The following KCNK9 variants were observed in gnomAD, a reference collection of about 807,000 sequenced individuals.
The protein encoded by KCNK9 is potassium channel subfamily K member 9.
A neutral mutation model predicts 10.8 loss-of-function variants in KCNK9; 1 was observed. The observed-to-expected ratio is 0.09, with a 90% CI of 0.03 to 0.44. KCNK9 has a LOEUF of 0.44. Among genes scored for constraint, KCNK9 ranks in the 20% least tolerant of loss-of-function variants. KCNK9 has a pLI of 0.97. For synonymous variants in KCNK9, 231 were observed against 222.7 expected (o/e 1.04, Z -0.33); for missense variants, 303 against 515.0 (o/e 0.59, Z 3.98).
chr8:139,622,741 A>G (rs1009855845), intron 1 of KCNK9, among the ~76,000 whole-genome samples: 2 of 152,212 alleles, frequency 1.3e-5, no homozygotes, highest in Admixed American at 1.3e-4. Flanking sequence ...CTGCTTAACA[A>G]ATGTGCTTAT....
At chr8:139,657,205 A>C (rs1000811774) in intron 1 of KCNK9, among the ~76,000 whole-genome samples, 2 of 152,182 alleles carry the variant, frequency 1.3e-5, no homozygotes, top group African/African-American at 4.8e-5. Context: ...GATTGCACTC[A>C]AGCATTCTGG....
intron 1 of KCNK9, among the ~76,000 whole-genome samples, chr8:139,667,755 C>T (rs1816334721): frequency 6.6e-6 from 1 of 152,124 alleles, no homozygotes; most frequent in African/African-American, 2.4e-5. Flanking sequence ...ATAACCTACA[C>T]CTCCAACATA....
chr8:139,630,964 G>A (rs1031824071), intron 1 of KCNK9, among the ~76,000 whole-genome samples: 5 of 152,234 alleles, frequency 3.3e-5, no homozygotes, highest in Non-Finnish European at 7.3e-5. Context: ...TGGTCCGCTA[G>A]GACGGAGAGC....
chr8:139,669,803 C>T (rs1816385241), intron 1 of KCNK9, among the ~76,000 whole-genome samples: 1 of 151,418 alleles, frequency 6.6e-6, no homozygotes, highest in African/African-American at 2.4e-5. Context: ...TTGCCGAGAT[C>T]CATCACAGAA....
chr8:139,675,109 T>A (rs1013125877), intron 1 of KCNK9, among the ~76,000 whole-genome samples: 1 of 152,216 alleles, frequency 6.6e-6, no homozygotes, highest in Admixed American at 6.5e-5. Context: ...GCCTCGGTTA[T>A]CCACCAACCC....
At chr8:139,672,335 G>A (rs571524256) in intron 1 of KCNK9, among the ~76,000 whole-genome samples, 10 of 152,220 alleles carry the variant, frequency 6.6e-5, no homozygotes, top group South Asian at 2.1e-4. Flanking sequence ...TCCACACTTC[G>A]TGGTGGCAGG....
At chr8:139,700,943 T>G (rs1309524224) in intron 1 of KCNK9, among the ~76,000 whole-genome samples, 1 of 152,212 alleles carries the variant, frequency 6.6e-6, no homozygotes, top group Non-Finnish European at 1.5e-5. Context: ...TGTGCCTGTT[T>G]TACTACTGGA....
chr8:139,606,912 G>A (rs1433315600), intron 2 of KCNK9, among the ~76,000 whole-genome samples: 2 of 152,312 alleles, frequency 1.3e-5, no homozygotes, highest in South Asian at 2.1e-4. Context: ...ATTTAGTGGA[G>A]ATTTCTGATG....
chr8:139,684,968 T>G (rs898007381), intron 1 of KCNK9, among the ~76,000 whole-genome samples: 4 of 152,188 alleles, frequency 2.6e-5, no homozygotes, highest in African/African-American at 9.7e-5. Flanking sequence ...ATAATGATAA[T>G]TTAAACACTA....
chr8:139,674,525 C>T (rs1171045850), intron 1 of KCNK9, among the ~76,000 whole-genome samples: 1 of 152,168 alleles, frequency 6.6e-6, no homozygotes, highest in African/African-American at 2.4e-5. Flanking sequence ...ACCCGGTTCT[C>T]CAATTTCACA....
At chr8:139,646,635 G>A (rs1237655409) in intron 1 of KCNK9, among the ~76,000 whole-genome samples, 2 of 152,206 alleles carry the variant, frequency 1.3e-5, no homozygotes, top group African/African-American at 4.8e-5. Flanking sequence ...TTATTGCTGG[G>A]AAAAACAGGG....
At chr8:139,676,645 G>A (rs17737126) in intron 1 of KCNK9, among the ~76,000 whole-genome samples, 65,556 of 152,034 alleles carry the variant, frequency 0.43, 15,342 homozygotes, top group Non-Finnish European at 0.53. Flanking sequence ...TTCACGACAC[G>A]GAGGCACAAA....
Position 139,693,996 on chromosome 8 carries a change from G to A in KCNK9, c.283+8714C>T, listed in dbSNP as rs1816992516. Among the ~76,000 whole-genome samples, 1 of 152,128 alleles carries A rather than the reference G, an allele frequency of 6.6e-6. No homozygotes were observed. The highest frequency in any genetic ancestry group is 6.6e-5 in the Admixed American group (1 of 15,264). ...AATCCAACACAGAGACACCTTGAAT[G>A]CAGCCTGTGGCCCCCAAAGCCCCCG... On this transcript the variant is annotated intron_variant, in intron 1 of 1. Transcript: ENST00000520439. The surrounding 1 kb of genome is among the most constrained non-coding windows in gnomAD (Gnocchi z 4.1).
intron 1 of KCNK9, among the ~76,000 whole-genome samples, chr8:139,623,573 C>A (rs528470895): frequency 1.3e-5 from 2 of 152,210 alleles, no homozygotes; most frequent in South Asian, 2.1e-4. Context: ...TACCTCCTAC[C>A]CCACCTGTGA....
intron 1 of KCNK9, among the ~76,000 whole-genome samples, chr8:139,685,057 A>T (rs1816761301): frequency 6.6e-6 from 1 of 152,252 alleles, no homozygotes; most frequent in Admixed American, 6.5e-5. Context: ...GGATTTGAGT[A>T]ACATAACAAA....
At chr8:139,641,287 G>A (rs540309206) in intron 1 of KCNK9, among the ~76,000 whole-genome samples, 17 of 152,272 alleles carry the variant, frequency 1.1e-4, no homozygotes, top group East Asian at 3.9e-4. Flanking sequence ...TGCCCTCACC[G>A]CATGGGGCTG....
chr8:139,648,104 G>A (rs188933549), intron 1 of KCNK9, among the ~76,000 whole-genome samples: 41 of 152,290 alleles, frequency 2.7e-4, no homozygotes, highest in Admixed American at 9.8e-4. Context: ...AAAGAGGTAC[G>A]GACACATTGC....
exon 3 of KCNK9, chr8:139,601,400 C>CT (rs2130067713): frequency 6.6e-6 from 1 of 152,268 alleles, no homozygotes; most frequent in East Asian, 1.9e-4. Context: ...ACAGCTGAGG[C>CT]TTGACTGGTT....
chr8:139,690,227 A>G (rs894518842), intron 1 of KCNK9, among the ~76,000 whole-genome samples: 9 of 152,162 alleles, frequency 5.9e-5, no homozygotes, highest in African/African-American at 2.2e-4. Context: ...TAGCTACATG[A>G]CCCTGGGCAA....
Sources: allele counts gnomAD v4.1 joint callset (sites outside exome capture counted in the v4.1 genomes callset), GRCh38; gene constraint gnomAD v4.1.1; non-coding constraint Gnocchi (gnomAD v3.1); transcripts MANE v1.5; gene names NCBI Gene and HGNC (gene_info 2026-07-23, HGNC 2026-07-21).